ZBTB20: variants seen among roughly 807,000 people sequenced by gnomAD.
ZBTB20 encodes zinc finger and BTB domain-containing protein 20.
ZBTB20 carries 9 observed loss-of-function variants against 56.9 expected under a neutral mutation model. The observed-to-expected ratio is 0.16, with a 90% CI of 0.10 to 0.28. ZBTB20 has a LOEUF of 0.28. Ranked by LOEUF, ZBTB20 falls within the 10% of genes least tolerant of loss-of-function variation. The pLI, the probability that ZBTB20 is intolerant of heterozygous loss-of-function variation, is 1.00. For synonymous variants in ZBTB20, 417 were observed against 420.7 expected, an observed-to-expected ratio of 0.99 and a Z score of 0.11; for missense variants, 655 against 1,003.0, an observed-to-expected ratio of 0.65 and a Z score of 4.69.
At chr3:115,097,895 C>A (rs981734063) in intron 1 of ZBTB20, among the ~76,000 whole-genome samples, 5 of 152,022 alleles carry the variant, frequency 3.3e-5, no homozygotes, top group Non-Finnish European at 7.4e-5. Flanking sequence ...ACAGTCCCTC[C>A]CAGAAAAGGC....
chr3:114,568,369 A>G (rs781087450), intron 6 of ZBTB20, among the ~76,000 whole-genome samples: 1 of 152,170 alleles, frequency 6.6e-6, no homozygotes, highest in Non-Finnish European at 1.5e-5. Context: ...AAGAAAGAAA[A>G]TGTTTTCATT....
At chr3:114,591,362 A>G (rs2055743207) in intron 6 of ZBTB20, among the ~76,000 whole-genome samples, 1 of 152,190 alleles carries the variant, frequency 6.6e-6, no homozygotes, top group South Asian at 2.1e-4. Flanking sequence ...TAAACTTTCT[A>G]TAATCTACTT....
intron 6 of ZBTB20, among the ~76,000 whole-genome samples, chr3:114,646,914 T>A (rs1377082897): frequency 6.6e-6 from 1 of 152,190 alleles, no homozygotes; most frequent in Admixed American, 6.5e-5. Context: ...AGTTAATCAC[T>A]GATTTGAAGG....
At chr3:114,874,095 T>A (rs1271025361) in intron 4 of ZBTB20, 1 of 152,308 alleles carries the variant, frequency 6.6e-6, no homozygotes, top group East Asian at 1.9e-4. Flanking sequence ...AGATGAGCTG[T>A]GCTTAGACAT....
intron 7 of ZBTB20, among the ~76,000 whole-genome samples, chr3:114,399,545 G>T (rs116531931): frequency 2.0e-5 from 3 of 152,056 alleles, no homozygotes; most frequent in Admixed American, 2.0e-4. Context: ...TTTATTGCAG[G>T]AGATTATTGG....
At chr3:114,680,138 G>C (rs936964811) in intron 6 of ZBTB20, among the ~76,000 whole-genome samples, 1 of 152,094 alleles carries the variant, frequency 6.6e-6, no homozygotes, top group Non-Finnish European at 1.5e-5. Context: ...CCTATCTGGG[G>C]GTCTACGGCT....
At chr3:114,431,172 A>G (rs2090092932) in intron 7 of ZBTB20, among the ~76,000 whole-genome samples, 1 of 152,174 alleles carries the variant, frequency 6.6e-6, no homozygotes, top group Non-Finnish European at 1.5e-5. Flanking sequence ...AAGGATAGGA[A>G]GAGGGTCTAA....
intron 4 of ZBTB20, among the ~76,000 whole-genome samples, chr3:114,847,680 C>A (rs566814547): frequency 2.6e-5 from 4 of 152,246 alleles, no homozygotes; most frequent in Admixed American, 2.6e-4. Context: ...TTGGCTCTCA[C>A]CTGAACTGCT....
At chr3:114,727,918 T>C (rs2065425323) in intron 5 of ZBTB20, among the ~76,000 whole-genome samples, 3 of 152,104 alleles carry the variant, frequency 2.0e-5, no homozygotes, top group Admixed American at 2.0e-4. Flanking sequence ...TCCCCATAGT[T>C]ACAAAGGATA....
At chr3:114,795,822 A>G (rs2071306011) in intron 5 of ZBTB20, among the ~76,000 whole-genome samples, 1 of 152,068 alleles carries the variant, frequency 6.6e-6, no homozygotes, top group Admixed American at 6.6e-5. Context: ...CTATATTTCT[A>G]CTATTAAATA....
intron 4 of ZBTB20, among the ~76,000 whole-genome samples, chr3:114,807,344 T>C (rs1198641555): frequency 6.6e-6 from 1 of 151,990 alleles, no homozygotes; most frequent in African/African-American, 2.4e-5. Flanking sequence ...GGCAAATAAA[T>C]AGTTTTACTT....
intron 6 of ZBTB20, among the ~76,000 whole-genome samples, chr3:114,591,927 T>C (rs1192844150): frequency 6.6e-6 from 1 of 152,202 alleles, no homozygotes; most frequent in Non-Finnish European, 1.5e-5. Flanking sequence ...GGTATCCTGT[T>C]GTTAATGTGA....
intron 4 of ZBTB20, among the ~76,000 whole-genome samples, chr3:114,897,188 T>C (rs936059521): frequency 6.6e-6 from 1 of 152,138 alleles, no homozygotes; most frequent in Non-Finnish European, 1.5e-5. Context: ...AAACATTAGG[T>C]AACTTGATTG....
intron 6 of ZBTB20, among the ~76,000 whole-genome samples, chr3:114,601,011 A>T (rs574321496): frequency 2.0e-5 from 3 of 151,874 alleles, no homozygotes; most frequent in African/African-American, 7.3e-5. Flanking sequence ...AAATATTCAG[A>T]AAGAATGGAA....
intron 3 of ZBTB20, among the ~76,000 whole-genome samples, chr3:114,916,563 T>C (rs527512721): frequency 6.6e-6 from 1 of 152,258 alleles, no homozygotes; most frequent in South Asian, 2.1e-4. Flanking sequence ...CCATTTAGCA[T>C]TTCCTGTAGA....
In ZBTB20 at chr3:114,529,885, G is replaced by A. The variant is rs571140280; in HGVS notation, c.-294-29494C>T. ...TTTATATATTTGTGTAAAGAAATTC[G>A]TAGTAGTAATTCTCTGACACTGAGT... is the stretch of plus-strand genomic sequence containing the variant. On this transcript the variant is annotated intron_variant, in intron 6 of 11. Coordinates refer to ENST00000675478, the MANE Select transcript of ZBTB20 (RefSeq NM_001348800.3). 1.1e-4 allele frequency among the ~76,000 whole-genome samples: 17 copies of A among 152,244 alleles called. No individual in the cohort carries two copies. In the East Asian group the frequency reaches 2.5e-3, roughly 22 times the overall value.
At position 114,693,511 on chromosome 3, in the gene ZBTB20, T is replaced by C. The variant is rs918454141; in HGVS notation, c.-295+17A>G. 2.0e-5 allele frequency: 3 copies of C among 152,124 alleles called. No individual in the cohort carries two copies. Among genetic ancestry groups the C allele is most frequent in the Non-Finnish European group, 1.5e-5 (1 of 68,012 alleles). The allele number at this position is 152,124 out of a possible 1,614,324, so 9.4% of individuals were successfully genotyped here. On this transcript the variant is annotated intron_variant, in intron 6 of 11. Coordinates refer to ENST00000675478, the MANE Select transcript of ZBTB20 (RefSeq NM_001348800.3). ...AATATTTTGGACTGCCATTTAGAGA[T>C]AATGAGAGTTACTTACCAGACAGCA...
intron 11 of ZBTB20, among the ~76,000 whole-genome samples, chr3:114,341,790 C>T (rs1047364598): frequency 6.6e-6 from 1 of 152,102 alleles, no homozygotes; most frequent in African/African-American, 2.4e-5. Flanking sequence ...AGAGTTGGAC[C>T]AGGCAGTTGC....
intron 6 of ZBTB20, among the ~76,000 whole-genome samples, chr3:114,550,025 C>T (rs1203263376): frequency 6.6e-6 from 1 of 152,218 alleles, no homozygotes; most frequent in East Asian, 1.9e-4. Context: ...GCAAGCTCCA[C>T]CTCCTGGGTT....
Sources: allele counts gnomAD v4.1 joint callset (sites outside exome capture counted in the v4.1 genomes callset), GRCh38; gene constraint gnomAD v4.1.1; transcripts MANE v1.5; gene names NCBI Gene and HGNC (gene_info 2026-07-23, HGNC 2026-07-21).